NFATC3: variants seen among roughly 807,000 people sequenced by gnomAD.
The protein encoded by NFATC3 is nuclear factor of activated T-cells, cytoplasmic 3.
Under a neutral mutation model 98.6 loss-of-function variants are expected in NFATC3, and 46 were observed. The ratio of observed to expected loss-of-function variants is 0.47; its 90% CI spans 0.37 to 0.60. NFATC3 has a LOEUF of 0.60. Ranked by LOEUF, NFATC3 falls within the 20% of genes least tolerant of loss-of-function variation. NFATC3 has a pLI of 0.00. For synonymous variants in NFATC3, 512 were observed against 472.2 expected (o/e 1.08, Z -1.09); for missense variants, 1,256 against 1,295.5 (o/e 0.97, Z 0.47).
intron 5 of NFATC3, among the ~76,000 whole-genome samples, chr16:68,169,621 T>C (rs1467161516): frequency 2.0e-5 from 3 of 152,092 alleles, no homozygotes; most frequent in African/African-American, 7.2e-5. Flanking sequence ...TACGCTAAAA[T>C]GATTCTTAAT....
chr16:68,209,288 A>G (rs2041276169), intron 9 of NFATC3, among the ~76,000 whole-genome samples: 1 of 151,794 alleles, frequency 6.6e-6, no homozygotes, highest in African/African-American at 2.4e-5. Context: ...GATAGCTAGA[A>G]CCCAGGAGGT....
chr16:68,089,659 T>G (rs1286979210), intron 1 of NFATC3: 1 of 152,210 alleles, frequency 6.6e-6, no homozygotes, highest in African/African-American at 2.4e-5. Context: ...ATGATATACC[T>G]CAGTAGTAAA....
At chr16:68,147,612 A>T (rs549241515) in intron 3 of NFATC3, among the ~76,000 whole-genome samples, 1 of 152,372 alleles carries the variant, frequency 6.6e-6, no homozygotes, top group East Asian at 1.9e-4. Context: ...CTTGATGAAC[A>T]GTTGGTCATG....
rs549830161 is a variant in NFATC3, at chr16:68,153,673, G to A, written c.1402-4196G>A. On this transcript the variant is annotated intron_variant, in intron 3 of 9. Coordinates refer to ENST00000346183, the MANE Select transcript of NFATC3 (RefSeq NM_173165.3). ...CTGTCGCCCAAGCTGGAGTACAGTGGCCCGATCTCAGCTCACTGCAAGCTC... is the reference window on the plus strand; with the variant it reads ...CTGTCGCCCAAGCTGGAGTACAGTGACCCGATCTCAGCTCACTGCAAGCTC... Among the ~76,000 whole-genome samples, 21 of 152,068 alleles carry A rather than the reference G, an allele frequency of 1.4e-4. No individual in the cohort carries two copies. In the East Asian group the frequency reaches 3.9e-3, roughly 28 times the overall value.
intron 3 of NFATC3, among the ~76,000 whole-genome samples, chr16:68,155,098 G>A (rs2038536935): frequency 6.6e-6 from 1 of 152,176 alleles, no homozygotes; most frequent in Admixed American, 6.5e-5. Context: ...ATAGGCAAAA[G>A]TCTTAATGTC....
chr16:68,222,395 C>T (rs967756440), intron 9 of NFATC3, among the ~76,000 whole-genome samples: 2 of 148,834 alleles, frequency 1.3e-5, no homozygotes, highest in Non-Finnish European at 3.0e-5. Flanking sequence ...ATTTAAAATC[C>T]GTTTGTAGTT....
chr16:68,163,553 C>T (rs1364833109), intron 4 of NFATC3, among the ~76,000 whole-genome samples: 3 of 151,528 alleles, frequency 2.0e-5, no homozygotes, highest in Non-Finnish European at 4.4e-5. Context: ...TGACCCCCAC[C>T]TCCCTCCTGG....
intron 3 of NFATC3, among the ~76,000 whole-genome samples, chr16:68,153,047 A>G (rs977258139): frequency 7.9e-5 from 12 of 152,330 alleles, no homozygotes; most frequent in African/African-American, 2.6e-4. Context: ...AAGAAAAAGC[A>G]GATATCGAAT....
chr16:68,167,682 G>GCACAAGTA (rs2039258690), intron 5 of NFATC3, among the ~76,000 whole-genome samples: 1 of 151,896 alleles, frequency 6.6e-6, no homozygotes, highest in African/African-American at 2.4e-5. Context: ...GAAAACAGAG[G>GCACAAGTA]CACAAGTATC....
chr16:68,102,928 T>A (rs1054895839), intron 1 of NFATC3, among the ~76,000 whole-genome samples: 31 of 152,224 alleles, frequency 2.0e-4, no homozygotes, highest in African/African-American at 7.2e-4. Context: ...TATCTCTCTG[T>A]GGTTTTTATT....
At chr16:68,141,227 T>C (rs375553900) in intron 3 of NFATC3, among the ~76,000 whole-genome samples, 1 of 152,194 alleles carries the variant, frequency 6.6e-6, no homozygotes, top group Non-Finnish European at 1.5e-5. Flanking sequence ...TTTAGGTTGG[T>C]TCCATGTCTT....
intron 3 of NFATC3, among the ~76,000 whole-genome samples, chr16:68,137,936 A>G (rs2037526684): frequency 1.3e-5 from 2 of 151,826 alleles, no homozygotes; most frequent in Non-Finnish European, 2.9e-5. Context: ...TTCATTTTCT[A>G]AAACACTTTC....
chr16:68,137,790 A>G (rs541134296), intron 3 of NFATC3, among the ~76,000 whole-genome samples: 30 of 150,818 alleles, frequency 2.0e-4, no homozygotes, highest in Middle Eastern at 3.4e-3. Flanking sequence ...ATTTTTTTGT[A>G]TTTTTTTAGT....
chr16:68,122,590 C>G lies in NFATC3; in HGVS notation c.707C>G (p.Ser236Ter). ...CAGTATGGACTTGGACACTCATTAT[C>G]ACCCAGGCAATCTCCTTGCCACTCT... Reference protein sequence around the residue: ...HQQYGLGHSLSPRQSPCHSPR... With the variant: ...HQQYGLGHSL The change falls in exon 2 of 10, where the codon TCA becomes TGA. Residue 236 changes from serine to a stop codon, truncating the protein, a stop_gained. Coordinates refer to ENST00000346183, the MANE Select transcript of NFATC3 (RefSeq NM_173165.3). LOFTEE classifies it high-confidence loss of function. The G allele has an allele frequency of 6.2e-7, 1 of 1,614,166 alleles. No individual in the cohort carries two copies. Among genetic ancestry groups the G allele is most frequent in the Non-Finnish European group, 8.5e-7 (1 of 1,180,028 alleles).
chr16:68,110,419 C>T (rs1463832248), intron 1 of NFATC3, among the ~76,000 whole-genome samples: 3 of 151,962 alleles, frequency 2.0e-5, no homozygotes, highest in Admixed American at 6.6e-5. Flanking sequence ...TGCCATTCTC[C>T]TGCCTCAGCC....
chr16:68,199,883 G>C (rs1006177270), intron 9 of NFATC3: 12 of 152,390 alleles, frequency 7.9e-5, no homozygotes, highest in Admixed American at 7.2e-4. Context: ...ACTGCGCCCG[G>C]CCTAGATGAA....
intron 3 of NFATC3, among the ~76,000 whole-genome samples, chr16:68,134,393 C>T (rs983905124): frequency 6.6e-6 from 1 of 152,090 alleles, no homozygotes; most frequent in Non-Finnish European, 1.5e-5. Flanking sequence ...CTGCCACTTG[C>T]TTGTTTTCTT....
intron 5 of NFATC3, among the ~76,000 whole-genome samples, chr16:68,170,849 T>A (rs2039425818): frequency 6.6e-6 from 1 of 151,748 alleles, no homozygotes; most frequent in African/African-American, 2.4e-5. Context: ...ACACACACAA[T>A]GTTTTTTAAT....
intron 9 of NFATC3, among the ~76,000 whole-genome samples, chr16:68,202,554 G>A (rs2040969694): frequency 6.6e-6 from 1 of 152,194 alleles, no homozygotes; most frequent in African/African-American, 2.4e-5. Flanking sequence ...GCTGACGCCT[G>A]TAATCCCAGC....
Sources: gnomAD v4.1 joint callset for allele counts (sites outside exome capture counted in the v4.1 genomes callset) on GRCh38, gnomAD v4.1.1 for gene constraint, MANE v1.5 for transcripts, NCBI Gene and HGNC (gene_info 2026-07-23, HGNC 2026-07-21) for gene names.